PIP5KL1: variants seen among roughly 807,000 people sequenced by gnomAD.
PIP5KL1 encodes phosphatidylinositol-4-phosphate 5-kinase like 1.
A neutral mutation model predicts 47.6 loss-of-function variants in PIP5KL1; 45 were observed. The observed-to-expected ratio is 0.94, with a 90% CI of 0.74 to 1.21. PIP5KL1 has a LOEUF of 1.21. Among genes scored for constraint, PIP5KL1 ranks in the 50% most tolerant of loss-of-function variants. PIP5KL1 has a pLI of 0.00. For synonymous variants in PIP5KL1, 256 were observed against 234.6 expected (o/e 1.09, Z -0.84); for missense variants, 577 against 547.6 (o/e 1.05, Z -0.54).
In PIP5KL1 at chr9:127,922,073, T is replaced by G. The variant is rs755750774; in HGVS notation, c.959A>C (p.Gln320Pro). The G allele has an allele frequency of 3.2e-6, 5 of 1,560,734 alleles. No individual in the cohort carries two copies. Among genetic ancestry groups the G allele is most frequent in the South Asian group, 1.2e-5 (1 of 85,522 alleles). The change falls in exon 10 of 10, where the codon CAA (glutamine) becomes CCA (proline). Residue 320 changes from glutamine to proline, a missense_variant. Physicochemically the swap from Gln to Pro is moderately conservative, Grantham distance 76 (BLOSUM62 -1). Coordinates refer to ENST00000388747, the MANE Select transcript of PIP5KL1 (RefSeq NM_001135219.2). ...GAQSPEESRA[Q>P]NRRLLPDAPN... is the part of the protein sequence containing the mutation. ...GGCGTCGGGCAGCAGCCGGCGGTTT[T>G]GGGCTCTCGACTCTTCCGGGCTCTG... is the stretch of plus-strand genomic sequence containing the variant.
chr9:127,921,923 C>T lies in PIP5KL1; in HGVS notation c.1109G>A (p.Gly370Asp). ...EHLWKTLRYP[G>D]RTFSTVSPAR... The stretch of plus-strand genomic sequence containing the variant: ...CGGGCTGACAGTGGAGAAGGTCCGG[C>T]CTGGGTAGCGCAGTGTCTTCCACAG... The change falls in exon 10 of 10, where the codon GGC (glycine) becomes GAC (aspartate). Residue 370 changes from glycine (G) to aspartate (D), a missense_variant. Physicochemically the swap from Gly to Asp is moderately conservative, Grantham distance 94 (BLOSUM62 -1). Coordinates refer to ENST00000388747, the MANE Select transcript of PIP5KL1 (RefSeq NM_001135219.2). 11 of 1,578,212 alleles carry T rather than the reference C, an allele frequency of 7.0e-6. No individual in the cohort carries two copies. Among genetic ancestry groups the T allele is most frequent in the African/African-American group, 1.3e-5 (1 of 74,284 alleles).
intron 3 of PIP5KL1, 87 bp from the exon 4 acceptor site, chr9:127,928,306 C>G: frequency 2.0e-6 from 3 of 1,535,710 alleles, no homozygotes; most frequent in Non-Finnish European, 2.6e-6. Context: ...TCAGGGTGAC[C>G]ACACCCTTCC....
In PIP5KL1 at chr9:127,921,958, C is replaced by T; in HGVS notation, c.1074G>A (p.Arg358=). Residue 358 remains arginine, a synonymous_variant, in exon 10 of 10, where the codon CGG becomes CGA. Coordinates refer to ENST00000388747, the MANE Select transcript of PIP5KL1 (RefSeq NM_001135219.2). The part of the protein sequence containing the change: ...DLATVYGLRK[R]LEHLWKTLRY... The stretch of plus-strand genomic sequence containing the variant: ...GCAGTGTCTTCCACAGGTGCTCCAG[C>T]CGCTTGCGGAGCCCGTAGACTGTGG... The T allele has an allele frequency of 1.9e-6, 3 of 1,576,834 alleles. No homozygotes were observed. The highest frequency in any genetic ancestry group is 2.6e-6 in the Non-Finnish European group (3 of 1,162,500).
At position 127,929,999 on chromosome 9, in the gene PIP5KL1, A is replaced by C; in HGVS notation, c.31-114T>G. ...ACTTCCCCTCATCTCTCTCTGCCTCAATTTCTTCAGCTGTAAAATAGAGAT... is the reference window on the plus strand; with the variant it reads ...ACTTCCCCTCATCTCTCTCTGCCTCCATTTCTTCAGCTGTAAAATAGAGAT... On this transcript the variant is annotated intron_variant, in intron 1 of 9. Transcript: ENST00000388747. The surrounding 1 kb of genome is among the most constrained non-coding windows in gnomAD (Gnocchi z 4.0). 1 of 1,032,172 alleles carries C rather than the reference A, an allele frequency of 9.7e-7. No homozygotes were observed. Among genetic ancestry groups the C allele is most frequent in the Non-Finnish European group, 1.4e-6 (1 of 734,760 alleles). The allele number at this position is 1,032,172 out of a possible 1,614,324, so 63.9% of individuals were successfully genotyped here.
At position 127,927,658 on chromosome 9, in the gene PIP5KL1, C is replaced by A. The variant is rs1222875175; in HGVS notation, c.549G>T (p.Ala183=). ...CCCCCAGCCAAGTACCCAGCAACCG[C>A]GCCAGCAGCGAGTGCGGGTGCCGCT... ...HLQRHPHSLL[A]RLLGVHSLRV... Residue 183 remains alanine (A), a synonymous_variant, in exon 5 of 10, where the codon GCG becomes GCT. Coordinates refer to ENST00000388747, the MANE Select transcript of PIP5KL1 (RefSeq NM_001135219.2). The surrounding 1 kb of genome is among the most constrained non-coding windows in gnomAD (Gnocchi z 5.5). 3.3e-6 allele frequency: 5 copies of A among 1,538,430 alleles called. No homozygotes were observed. The highest frequency in any genetic ancestry group is 3.5e-6 in the Non-Finnish European group (4 of 1,145,948).
At position 127,921,868 on chromosome 9, in the gene PIP5KL1, C is replaced by G. The variant is rs566073239; in HGVS notation, c.1164G>C (p.Trp388Cys). The part of the protein sequence containing the change: ...PARYARRLCQ[W>C]VEAHTE ...CCCGTCACTCCGTGTGCGCCTCCAC[C>G]CACTGGCAGAGGCGACGGGCGTAGC... The change falls in exon 10 of 10, where the codon TGG (tryptophan) becomes TGC (cysteine). Residue 388 changes from tryptophan (W) to cysteine (C), a missense_variant. By Grantham distance (215) the Trp-to-Cys change is radical. Transcript: ENST00000388747. 3.2e-6 allele frequency: 5 copies of G among 1,575,630 alleles called. No homozygotes were observed. The highest frequency in any genetic ancestry group is 4.6e-5 in the East Asian group (2 of 43,136).
At position 127,925,108 on chromosome 9, in the gene PIP5KL1, T is replaced by C. The variant is rs758402617; in HGVS notation, c.916A>G (p.Arg306Gly). The change falls in exon 9 of 10, where the codon AGG (arginine) becomes GGG (glycine). Residue 306 changes from arginine to glycine, a missense_variant and splice_region_variant. Arg to Gly is a moderately radical substitution (Grantham distance 125, BLOSUM62 -2). Coordinates refer to ENST00000388747, the MANE Select transcript of PIP5KL1 (RefSeq NM_001135219.2). Reference sequence around the variant, plus strand: ...CTGTTGCCCCTGTGGGAGGCTCACCTGGCCGTGCGGAAGATGAGGCTGCTG... The same window carrying C: ...CTGTTGCCCCTGTGGGAGGCTCACCCGGCCGTGCGGAAGATGAGGCTGCTG... ...PGSSLIFRTA[R>G]SVQGAQSPEE... The C allele has an allele frequency of 4.3e-6, 7 of 1,613,966 alleles. No individual in the cohort carries two copies. In the Admixed American group the frequency reaches 5.0e-5, roughly 12 times the overall value.
intron 7 of PIP5KL1, among the ~76,000 whole-genome samples, chr9:127,926,384 G>A (rs1402344749): frequency 6.6e-6 from 1 of 151,882 alleles, no homozygotes; most frequent in Non-Finnish European, 1.5e-5. Context: ...AACCTCCCAA[G>A]TAGCTGGGAC....
chr9:127,922,219 C>G, intron 9 of PIP5KL1, 105 bp from the exon 10 acceptor site: 1 of 1,347,486 alleles, frequency 7.4e-7, no homozygotes, highest in Non-Finnish European at 9.8e-7. Flanking sequence ...AGCTCATTCC[C>G]ACACCTCCTG....
chr9:127,930,432 C>T (rs1282039858), intron 1 of PIP5KL1, among the ~76,000 whole-genome samples: 1 of 152,230 alleles, frequency 6.6e-6, no homozygotes, highest in Non-Finnish European at 1.5e-5. Flanking sequence ...TGGGCATCCA[C>T]CGCGTGCCCC....
At chr9:127,924,111 G>A (rs1177041123) in intron 9 of PIP5KL1, among the ~76,000 whole-genome samples, 1 of 152,234 alleles carries the variant, frequency 6.6e-6, no homozygotes, top group African/African-American at 2.4e-5. Context: ...GCTCACGCCT[G>A]TAATCCCAAC....
rs372864040 is a variant in PIP5KL1, at chr9:127,927,266, C to T, written c.594+31G>A. 1.5e-5 allele frequency: 24 copies of T among 1,611,350 alleles called. No individual in the cohort carries two copies. Among genetic ancestry groups the T allele is most frequent in the Middle Eastern group, 1.6e-4 (1 of 6,078 alleles). On this transcript the variant is annotated intron_variant, in intron 6 of 9. Transcript: ENST00000388747. This position sits in a 1 kb window ranked among gnomAD's most constrained non-coding sequence, Gnocchi z 5.5. ...GCTGTCGCCCTCCAGCCGCCCGCTC[C>T]GCCCAGCCACCTCGCCTCGGCTTCA...
At position 127,927,067 on chromosome 9, in the gene PIP5KL1, G is replaced by A. The variant is rs1020986351; in HGVS notation, c.650+86C>T. ...CGCCCCTTCTCCTTCCTGGGCCTCG[G>A]TTTCACCGTCTGGCTAGTGAGTGTG... On this transcript the variant is annotated intron_variant, in intron 7 of 9. Transcript: ENST00000388747. The surrounding 1 kb of genome is among the most constrained non-coding windows in gnomAD (Gnocchi z 5.5). 8 of 1,422,226 alleles carry A rather than the reference G, an allele frequency of 5.6e-6. No individual in the cohort carries two copies. The African/African-American group carries it at 1.1e-4, about 20-fold the overall frequency. The allele number at this position is 1,422,226 out of a possible 1,614,324, so 88.1% of individuals were successfully genotyped here.
intron 1 of PIP5KL1, among the ~76,000 whole-genome samples, chr9:127,930,428 T>C (rs1444244270): frequency 6.6e-6 from 1 of 152,186 alleles, no homozygotes; most frequent in African/African-American, 2.4e-5. Flanking sequence ...GTAGTGGGCA[T>C]CCACCGCGTG....
Position 127,921,296 on chromosome 9 carries a change from A to T in PIP5KL1, c.*551T>A, listed in dbSNP as rs1408349415. ...AGCCCCCAGGACCCCTGCTTCTCCC[A>T]CCTGCATCCCTAGAGTATCAGGCCA... On this transcript the variant is annotated 3_prime_UTR_variant, in exon 10 of 10. Coordinates refer to ENST00000388747, the MANE Select transcript of PIP5KL1 (RefSeq NM_001135219.2). The T allele has an allele frequency of 6.5e-6, 1 of 153,226 alleles. No individual in the cohort carries two copies. The highest frequency in any genetic ancestry group is 1.5e-5 in the Non-Finnish European group (1 of 68,750). The allele number at this position is 153,226 out of a possible 1,614,324, so 9.5% of individuals were successfully genotyped here.
rs1273728347 is a variant in PIP5KL1 at position 127,929,778 on chromosome 9, G to A, written c.138C>T (p.Ile46=). The A allele has an allele frequency of 2.6e-6, 4 of 1,565,142 alleles. No individual in the cohort carries two copies. The highest frequency in any genetic ancestry group is 3.5e-6 in the Non-Finnish European group (4 of 1,154,938). ...TCCCATGCAGTTCATGCCCCGGGCTGATCTCAAACAGGCCCAGGCGAGACT... is the reference window on the plus strand; with the variant it reads ...TCCCATGCAGTTCATGCCCCGGGCTAATCTCAAACAGGCCCAGGCGAGACT... ...DKQSRLGLFE[I]SPGHELHGMT... is the part of the protein sequence containing the mutation. The change falls in exon 2 of 10, where the codon ATC becomes ATT. Residue 46 remains isoleucine (I), a synonymous_variant. Transcript: ENST00000388747. This position sits in a 1 kb window ranked among gnomAD's most constrained non-coding sequence, Gnocchi z 4.0.
Position 127,927,753 on chromosome 9 carries a change from G to T in PIP5KL1, c.454C>A (p.Leu152Met). 1 of 1,561,504 alleles carries T rather than the reference G, an allele frequency of 6.4e-7. No individual in the cohort carries two copies. The highest frequency in any genetic ancestry group is 2.4e-5 in the East Asian group (1 of 41,828). Residue 152 changes from leucine to methionine, a missense_variant, in exon 5 of 10, where the codon CTG (leucine) becomes ATG (methionine). Transcript: ENST00000388747. The surrounding 1 kb of genome is among the most constrained non-coding windows in gnomAD (Gnocchi z 5.5). The stretch of plus-strand genomic sequence containing the variant: ...ACCTCTCGGCGCCCCTGGGTCTTCA[G>T]GAAGAAGCGCTGGTCGTGGCTGGGG... ...FFLSHDQRFF[L>M]KTQGRREVQA...
Position 127,929,944 on chromosome 9 carries a change from G to A in PIP5KL1, c.31-59C>T. Reference sequence around the variant, plus strand: ...CAGCGTCACAGAGGAAAAAGATCAGGGTTCAAGTCCCACTTCCACTACTTG... The same window carrying A: ...CAGCGTCACAGAGGAAAAAGATCAGAGTTCAAGTCCCACTTCCACTACTTG... On this transcript the variant is annotated intron_variant, in intron 1 of 9. Transcript: ENST00000388747. This position sits in a 1 kb window ranked among gnomAD's most constrained non-coding sequence, Gnocchi z 4.0. The A allele has an allele frequency of 7.2e-7, 1 of 1,380,796 alleles. No individual in the cohort carries two copies. The highest frequency in any genetic ancestry group is 1.4e-5 in the South Asian group (1 of 69,110). The allele number at this position is 1,380,796 out of a possible 1,614,324, so 85.5% of individuals were successfully genotyped here.
intron 7 of PIP5KL1, 81 bp from the exon 8 acceptor site, chr9:127,926,060 T>C (rs941810427): frequency 6.5e-6 from 6 of 927,094 alleles, no homozygotes; most frequent in South Asian, 1.6e-5. Context: ...TGACTACTTA[T>C]GTGCACTGAA....
Sources: gnomAD v4.1 joint callset for allele counts (sites outside exome capture counted in the v4.1 genomes callset) on GRCh38, gnomAD v4.1.1 for gene constraint, Gnocchi (gnomAD v3.1) non-coding constraint, MANE v1.5 for transcripts, NCBI Gene and HGNC (gene_info 2026-07-23, HGNC 2026-07-21) for gene names.